The following TRPC6 variants were observed in gnomAD, a reference collection of about 807,000 sequenced individuals.
TRPC6 encodes the protein short transient receptor potential channel 6.
Under a neutral mutation model 90.7 loss-of-function variants are expected in TRPC6, and 55 were observed. That is an observed-to-expected ratio of 0.61 (90% CI 0.49 to 0.76). TRPC6 has a LOEUF of 0.76. TRPC6 is among the 30% of genes least tolerant of loss of function. TRPC6 has a pLI of 0.00. For synonymous variants in TRPC6, 393 were observed against 393.0 expected (o/e 1.00, Z 0.00); for missense variants, 989 against 1,122.7 (o/e 0.88, Z 1.70).
intron 1 of TRPC6, among the ~76,000 whole-genome samples, chr11:101,578,326 CTAGT>C (rs1326825485): frequency 6.6e-6 from 1 of 152,102 alleles, no homozygotes; most frequent in African/African-American, 2.4e-5. Flanking sequence ...CTTTAAGAGA[CTAGT>C]TATCCTATTG....
rs560714740 is a variant in TRPC6, at chr11:101,471,552, T to C, written c.2206-166A>G. Among the ~76,000 whole-genome samples, 50 of 152,350 alleles carry C rather than the reference T, an allele frequency of 3.3e-4. 1 individual carries two copies. The highest frequency in any genetic ancestry group is 3.4e-3 in the Middle Eastern group (1 of 294). ...ATGTTAACATTCTATTCACATATTC[T>C]TTCTTAAATTTGTCTAAAATTTTGA... On this transcript the variant is annotated intron_variant, in intron 8 of 12. Coordinates refer to ENST00000344327, the MANE Select transcript of TRPC6 (RefSeq NM_004621.6).
intron 1 of TRPC6, among the ~76,000 whole-genome samples, chr11:101,559,809 G>T (rs1440457227): frequency 9.3e-6 from 1 of 107,972 alleles, no homozygotes; most frequent in Admixed American, 1.3e-4. Flanking sequence ...AACAGGCCCC[G>T]GTGTGTGATG....
In TRPC6 at chr11:101,455,097, C is replaced by T. The variant is rs1182014029; in HGVS notation, c.2489G>A (p.Gly830Glu). Residue 830 changes from glycine (G) to glutamate (E), a missense_variant, in exon 11 of 13, where the codon GGG (glycine) becomes GAG (glutamate). Gly to Glu is a moderately conservative substitution (Grantham distance 98). Coordinates refer to ENST00000344327, the MANE Select transcript of TRPC6 (RefSeq NM_004621.6). Reference sequence around the variant, plus strand: ...CCTTATACTTGGTTGTTTATTGTGCCCAACCTGTAATTTGAAAAGATTTAG... The same window carrying T: ...CCTTATACTTGGTTGTTTATTGTGCTCAACCTGTAATTTGAAAAGATTTAG... ...SKLSLDKKQV[G>E]HNKQPSIRSS... 6.2e-7 allele frequency: 1 copy of T among 1,611,110 alleles called. No individual in the cohort carries two copies. Among genetic ancestry groups the T allele is most frequent in the East Asian group, 2.2e-5 (1 of 44,660 alleles).
At chr11:101,526,900 T>TAAAAAAAAAAAAAAAA (rs1860794749) in intron 1 of TRPC6, among the ~76,000 whole-genome samples, 2 of 86,140 alleles carry the variant, frequency 2.3e-5, no homozygotes, top group African/African-American at 8.8e-5. Context: ...AAAAAAAAAT[T>TAAAAAAAAAAAAAAAA]AAATAGTCTT....
chr11:101,534,611 ATAC>A (rs1341665578), intron 1 of TRPC6, among the ~76,000 whole-genome samples: 2 of 152,160 alleles, frequency 1.3e-5, no homozygotes. Flanking sequence ...TCACTACATA[ATAC>A]TATAGATAAA....
At chr11:101,503,460 T>A (rs1860178356) in intron 2 of TRPC6, among the ~76,000 whole-genome samples, 1 of 152,188 alleles carries the variant, frequency 6.6e-6, no homozygotes. Flanking sequence ...TTAAATATTG[T>A]TTTCTCTGAA....
intron 5 of TRPC6, among the ~76,000 whole-genome samples, chr11:101,479,836 T>G (rs1282225340): frequency 1.2e-5 from 1 of 80,096 alleles, no homozygotes; most frequent in Non-Finnish European, 2.4e-5. Flanking sequence ...ATTCCTGTGT[T>G]TGTTAGGTTG....
chr11:101,577,684 CA>C (rs890306360), intron 1 of TRPC6, among the ~76,000 whole-genome samples: 3 of 152,092 alleles, frequency 2.0e-5, no homozygotes, highest in African/African-American at 4.8e-5. Flanking sequence ...TGCTTGGGGC[CA>C]GGCAAGGGTC....
chr11:101,458,132 A>G (rs1858926421), intron 10 of TRPC6, among the ~76,000 whole-genome samples: 2 of 152,176 alleles, frequency 1.3e-5, no homozygotes, highest in Non-Finnish European at 2.9e-5. Context: ...ATTATACAAA[A>G]TTTGAATCAA....
chr11:101,458,252 C>T (rs1858929317), intron 10 of TRPC6, among the ~76,000 whole-genome samples: 1 of 152,142 alleles, frequency 6.6e-6, no homozygotes, highest in South Asian at 2.1e-4. Context: ...TGTCTGTAGT[C>T]AATTCATCCT....
At chr11:101,502,500 G>A (rs1860154351) in intron 2 of TRPC6, among the ~76,000 whole-genome samples, 1 of 152,192 alleles carries the variant, frequency 6.6e-6, no homozygotes, top group African/African-American at 2.4e-5. Context: ...GTCTTCAGTG[G>A]TTTAGAGAAA....
intron 10 of TRPC6, among the ~76,000 whole-genome samples, chr11:101,464,513 T>C (rs1195711412): frequency 2.0e-5 from 3 of 152,216 alleles, no homozygotes; most frequent in Admixed American, 2.0e-4. Flanking sequence ...GTTAGGTCTC[T>C]TGTTGCATTG....
chr11:101,513,482 C>T (rs768273770), intron 1 of TRPC6, among the ~76,000 whole-genome samples: 15 of 152,124 alleles, frequency 9.9e-5, no homozygotes, highest in Non-Finnish European at 1.9e-4. Context: ...ATGTAAAACA[C>T]AACCTGTTCC....
chr11:101,573,921 CGTGTGTGT>C (rs58766729), intron 1 of TRPC6, among the ~76,000 whole-genome samples: 16 of 131,978 alleles, frequency 1.2e-4, no homozygotes, highest in Non-Finnish European at 1.1e-4. Context: ...GAAACAAATA[CGTGTGTGT>C]GTGTGTGTGT....
chr11:101,554,663 C>G (rs1220871371), intron 1 of TRPC6, among the ~76,000 whole-genome samples: 1 of 152,014 alleles, frequency 6.6e-6, no homozygotes. Context: ...ATTTCTTTCC[C>G]TGCATCACCC....
chr11:101,516,794 G>A (rs1034697316), intron 1 of TRPC6, among the ~76,000 whole-genome samples: 1 of 152,186 alleles, frequency 6.6e-6, no homozygotes, highest in Non-Finnish European at 1.5e-5. Context: ...GCAGCTAGCC[G>A]AGTAGCCAGC....
chr11:101,455,001 T>C lies in TRPC6; in HGVS notation c.2568+17A>G. The stretch of plus-strand genomic sequence containing the variant: ...TTACAAGTAACTAGTTTTATTCCTT[T>C]AAAAATCCATGCTTACCTGATATTG... On this transcript the variant is annotated intron_variant, in intron 11 of 12. Transcript: ENST00000344327. The C allele has an allele frequency of 1.3e-6, 2 of 1,598,902 alleles. No individual in the cohort carries two copies. The highest frequency in any genetic ancestry group is 2.2e-5 in the South Asian group (2 of 90,376).
At chr11:101,507,747 G>C (rs966910376) in intron 1 of TRPC6, among the ~76,000 whole-genome samples, 3 of 151,954 alleles carry the variant, frequency 2.0e-5, no homozygotes, top group Non-Finnish European at 2.9e-5. Flanking sequence ...TTTGTCTCTG[G>C]TGTCCTAAAA....
rs1201198696 is a variant in TRPC6 at position 101,488,907 on chromosome 11, A to G, written c.1293+30T>C. 5 of 1,613,438 alleles carry G rather than the reference A, an allele frequency of 3.1e-6. No homozygotes were observed. The Admixed American group carries it at 8.3e-5, about 27-fold the overall frequency. On this transcript the variant is annotated intron_variant, in intron 4 of 12. Transcript: ENST00000344327. The stretch of plus-strand genomic sequence containing the variant: ...CCCACTTAAAACATATTTCTAGTAG[A>G]TAATAGAGGTCCAGGCTTCACATAC...
Sources: gnomAD v4.1 joint callset for allele counts (sites outside exome capture counted in the v4.1 genomes callset) on GRCh38, gnomAD v4.1.1 for gene constraint, MANE v1.5 for transcripts, NCBI Gene and HGNC (gene_info 2026-07-23, HGNC 2026-07-21) for gene names.